The following GRM3 variants were observed in gnomAD, a reference collection of about 807,000 sequenced individuals.
GRM3 encodes the protein metabotropic glutamate receptor 3.
In GRM3, 26 loss-of-function variants were observed where a neutral mutation model predicts 70.5. That is an observed-to-expected ratio of 0.37 (90% CI 0.27 to 0.51). The LOEUF is 0.51. Among genes scored for constraint, GRM3 ranks in the 20% least tolerant of loss-of-function variants. GRM3 has a pLI of 0.93. For synonymous variants in GRM3, 443 were observed against 434.9 expected, an observed-to-expected ratio of 1.02 and a Z score of -0.23; for missense variants, 859 against 1,123.8, an observed-to-expected ratio of 0.76 and a Z score of 3.37.
chr7:86,691,452 G>A (rs118046392), intron 1 of GRM3, among the ~76,000 whole-genome samples: 7,313 of 152,134 alleles, frequency 0.048, 271 homozygotes, highest in Non-Finnish European at 0.067. Context: ...TCATCAATGA[G>A]AGAACCACAA....
At chr7:86,832,560 A>T (rs1053035403) in intron 3 of GRM3, among the ~76,000 whole-genome samples, 6 of 152,118 alleles carry the variant, frequency 3.9e-5, no homozygotes, top group African/African-American at 1.4e-4. Context: ...CACTGCTAGT[A>T]GCTTTTGCAA....
At chr7:86,746,375 A>ATATATATATATATATC (rs1562846667) in intron 1 of GRM3, among the ~76,000 whole-genome samples, 1 of 137,158 alleles carries the variant, frequency 7.3e-6, no homozygotes, top group Non-Finnish European at 1.6e-5. Flanking sequence ...ATATATATAT[A>ATATATATATATATATC]ATCACTTCAA....
chr7:86,758,579 T>C (rs1220415377), intron 1 of GRM3, among the ~76,000 whole-genome samples: 1 of 151,950 alleles, frequency 6.6e-6, no homozygotes, highest in Non-Finnish European at 1.5e-5. Flanking sequence ...AAAATAAAGG[T>C]TTACTTTGAA....
intron 3 of GRM3, among the ~76,000 whole-genome samples, chr7:86,805,282 AT>A (rs976859704): frequency 1.3e-5 from 2 of 151,798 alleles, no homozygotes; most frequent in Non-Finnish European, 2.9e-5. Context: ...ACTAGACTTT[AT>A]TTTTTTAGAG....
chr7:86,861,867 A>G (rs1562885319), intron 5 of GRM3, among the ~76,000 whole-genome samples: 1 of 152,164 alleles, frequency 6.6e-6, no homozygotes, highest in Non-Finnish European at 1.5e-5. Flanking sequence ...ATATATTGCA[A>G]CAAAAAAGCA....
intron 3 of GRM3, among the ~76,000 whole-genome samples, chr7:86,796,512 G>GC (rs1554361843): frequency 2.6e-5 from 4 of 151,696 alleles, no homozygotes. Flanking sequence ...TGCCACCTTT[G>GC]TTTTTTTTGC....
At position 86,765,077 on chromosome 7, in the gene GRM3, A is replaced by G; in HGVS notation, c.-69A>G. On this transcript the variant is annotated 5_prime_UTR_variant, in exon 2 of 6. The change abolishes an upstream ATG in the 5' untranslated region. Transcript: ENST00000361669. ...GACAGGCCAAAGATCCAGTTTGGAA[A>G]TGAGAGAGGACTAGCATGACACATT... is the stretch of plus-strand genomic sequence containing the variant. 2 of 1,505,364 alleles carry G rather than the reference A, an allele frequency of 1.3e-6. No individual in the cohort carries two copies. The highest frequency in any genetic ancestry group is 1.4e-5 in the South Asian group (1 of 72,036). The allele number at this position is 1,505,364 out of a possible 1,614,324, so 93.3% of individuals were successfully genotyped here.
intron 1 of GRM3, among the ~76,000 whole-genome samples, chr7:86,652,077 CG>C (rs1281050343): frequency 6.6e-6 from 1 of 152,126 alleles, no homozygotes; most frequent in African/African-American, 2.4e-5. Context: ...ACGTACTTCA[CG>C]ACCTTGTCTA....
intron 3 of GRM3, among the ~76,000 whole-genome samples, chr7:86,824,064 G>A (rs555551283): frequency 1.3e-5 from 2 of 152,132 alleles, no homozygotes; most frequent in Non-Finnish European, 2.9e-5. Context: ...GCATGAAGAC[G>A]ACCAAGGCCA....
chr7:86,809,838 A>G (rs1338827238), intron 3 of GRM3, among the ~76,000 whole-genome samples: 2 of 151,996 alleles, frequency 1.3e-5, no homozygotes, highest in African/African-American at 4.8e-5. Context: ...TCTGTTTGGT[A>G]CTTTAGATTT....
chr7:86,742,175 C>G (rs146613480), intron 1 of GRM3, among the ~76,000 whole-genome samples: 23 of 152,178 alleles, frequency 1.5e-4, no homozygotes, highest in Non-Finnish European at 3.2e-4. Context: ...GTGCATGTGC[C>G]TCTCTATATG....
intron 2 of GRM3, among the ~76,000 whole-genome samples, chr7:86,767,940 C>T (rs1796647580): frequency 6.6e-6 from 1 of 152,100 alleles, no homozygotes; most frequent in Admixed American, 6.6e-5. Context: ...ACTTCTTACT[C>T]ATTGAAAGAC....
At chr7:86,712,407 T>G (rs1449278652) in intron 1 of GRM3, among the ~76,000 whole-genome samples, 2 of 152,036 alleles carry the variant, frequency 1.3e-5, no homozygotes, top group Non-Finnish European at 2.9e-5. Flanking sequence ...ATGAGATAAT[T>G]TAATTCATTC....
At chr7:86,745,829 G>A (rs1473608920) in intron 1 of GRM3, among the ~76,000 whole-genome samples, 2 of 152,038 alleles carry the variant, frequency 1.3e-5, no homozygotes, top group African/African-American at 4.8e-5. Flanking sequence ...TAAAGTTGAA[G>A]ATAAAGTATC....
chr7:86,687,447 A>G (rs1794593426), intron 1 of GRM3, among the ~76,000 whole-genome samples: 1 of 151,846 alleles, frequency 6.6e-6, no homozygotes, highest in Admixed American at 6.6e-5. Context: ...ATAGGGAAAC[A>G]AGACAATGGA....
At chr7:86,855,323 T>A (rs1798826387) in intron 5 of GRM3, among the ~76,000 whole-genome samples, 1 of 152,154 alleles carries the variant, frequency 6.6e-6, no homozygotes, top group African/African-American at 2.4e-5. Context: ...ACTAACATGA[T>A]TTTGTATCAG....
Position 86,839,371 on chromosome 7 carries a change from G to C in GRM3, c.1857G>C (p.Leu619Phe), listed in dbSNP as rs1193121873. The change falls in exon 4 of 6, where the codon TTG becomes TTC. Residue 619 changes from leucine to phenylalanine, a missense_variant. Coordinates refer to ENST00000361669, the MANE Select transcript of GRM3 (RefSeq NM_000840.3). This position sits in a 1 kb window ranked among gnomAD's most constrained non-coding sequence, Gnocchi z 4.5. ...GCCGAGAACTCTGCTACATCTTATTGTTTGGGGTTGGCCTGTCATACTGCA... is the reference window on the plus strand; with the variant it reads ...GCCGAGAACTCTGCTACATCTTATTCTTTGGGGTTGGCCTGTCATACTGCA... ...ASGRELCYILLFGVGLSYCMT... is the reference protein window; with the variant it reads ...ASGRELCYILFFGVGLSYCMT... The C allele has an allele frequency of 3.1e-6, 5 of 1,614,018 alleles. No homozygotes were observed. Among genetic ancestry groups the C allele is most frequent in the Non-Finnish European group, 4.2e-6 (5 of 1,179,988 alleles).
At chr7:86,648,058 C>A (rs1174501613) in intron 1 of GRM3, among the ~76,000 whole-genome samples, 1 of 152,070 alleles carries the variant, frequency 6.6e-6, no homozygotes, top group East Asian at 1.9e-4. Flanking sequence ...ATTCTTCATC[C>A]AACATTTCTC....
At chr7:86,739,982 A>G (rs1393788826) in intron 1 of GRM3, among the ~76,000 whole-genome samples, 1 of 152,206 alleles carries the variant, frequency 6.6e-6, no homozygotes, top group Non-Finnish European at 1.5e-5. Flanking sequence ...TGCTTGTGTT[A>G]ATAAGATGTG....
Sources: gnomAD v4.1 joint callset for allele counts (sites outside exome capture counted in the v4.1 genomes callset) on GRCh38, gnomAD v4.1.1 for gene constraint, Gnocchi (gnomAD v3.1) non-coding constraint, MANE v1.5 for transcripts, NCBI Gene and HGNC (gene_info 2026-07-23, HGNC 2026-07-21) for gene names.